The following PCDHGA1 variants were observed in gnomAD, a reference collection of about 807,000 sequenced individuals.
PCDHGA1 encodes protocadherin gamma-A1.
A neutral mutation model predicts 58.0 loss-of-function variants in PCDHGA1; 32 were observed. The ratio of observed to expected loss-of-function variants is 0.55; its 90% CI spans 0.42 to 0.74. The LOEUF is 0.74. Ranked by LOEUF, PCDHGA1 falls within the 30% of genes least tolerant of loss-of-function variation. The probability of loss-of-function intolerance (pLI) is 0.00; values close to 1 mark genes in which losing one functional copy is unlikely to be tolerated. For missense variants in PCDHGA1, 1,205 were observed against 1,182.3 expected (o/e 1.02, Z -0.28); for synonymous variants, 498 against 501.1 (o/e 0.99, Z 0.08).
rs755499740 is a variant in PCDHGA1 at position 141,389,751 on chromosome 5, G to C, written c.2421+56646G>C. 1.9e-6 allele frequency: 3 copies of C among 1,612,800 alleles called. No individual in the cohort carries two copies. The highest frequency in any genetic ancestry group is 1.1e-5 in the South Asian group (1 of 91,032). ...CTTCAGCCTGGGGCTGCGCACGGGC[G>C]AAGTGCGCACAGCGCGTGCCTTAGG... On this transcript the variant is annotated intron_variant, in intron 1 of 3. Coordinates refer to ENST00000517417, the MANE Select transcript of PCDHGA1 (RefSeq NM_018912.3).
In PCDHGA1 at chr5:141,365,535, A is replaced by G. The variant is rs1042184144; in HGVS notation, c.2421+32430A>G. 3.1e-6 allele frequency: 5 copies of G among 1,613,822 alleles called. No individual in the cohort carries two copies. Among genetic ancestry groups the G allele is most frequent in the Non-Finnish European group, 4.2e-6 (5 of 1,179,884 alleles). On this transcript the variant is annotated intron_variant, in intron 1 of 3. Transcript: ENST00000517417. ...TTGGAGAAGTCAGTTGATAATTACTATCACCTATTAACAACTAGGGACCTG... is the reference window on the plus strand; with the variant it reads ...TTGGAGAAGTCAGTTGATAATTACTGTCACCTATTAACAACTAGGGACCTG...
rs559544645 is a variant in PCDHGA1, at chr5:141,405,144, G to C, written c.2421+72039G>C. ...CATCTGCTGCGGGCTACCAGTGATGGGTTGGCTGGTGTGCCCACCTCACAC... is the reference window on the plus strand; with the variant it reads ...CATCTGCTGCGGGCTACCAGTGATGCGTTGGCTGGTGTGCCCACCTCACAC... On this transcript the variant is annotated intron_variant, in intron 1 of 3. Coordinates refer to ENST00000517417, the MANE Select transcript of PCDHGA1 (RefSeq NM_018912.3). 1.1e-4 allele frequency: 184 copies of C among 1,614,070 alleles called. 1 individual carries two copies. The South Asian group carries it at 1.9e-3, about 17-fold the overall frequency.
intron 1 of PCDHGA1, among the ~76,000 whole-genome samples, chr5:141,460,418 G>C (rs905215023): frequency 3.3e-5 from 5 of 152,096 alleles, no homozygotes; most frequent in Admixed American, 6.5e-5. Flanking sequence ...TGATGTTTAT[G>C]TATGGTGTAT....
chr5:141,365,620 G>T, intron 1 of PCDHGA1: 1 of 1,613,368 alleles, frequency 6.2e-7, no homozygotes, highest in Middle Eastern at 1.6e-4. Context: ...ATGGAACCCC[G>T]CCCCTCTCTA....
chr5:141,349,128 T>C (rs1396507844), intron 1 of PCDHGA1, among the ~76,000 whole-genome samples: 2 of 152,184 alleles, frequency 1.3e-5, no homozygotes, highest in Non-Finnish European at 2.9e-5. Flanking sequence ...TGGACTTCAG[T>C]GGCATGATCT....
chr5:141,455,477 C>A (rs557286491), intron 1 of PCDHGA1, among the ~76,000 whole-genome samples: 15 of 152,252 alleles, frequency 9.9e-5, no homozygotes, highest in African/African-American at 2.9e-4. Flanking sequence ...TATGCAGAGG[C>A]TGGTGGAGGT....
At chr5:141,415,793 T>C in intron 1 of PCDHGA1, 1 of 1,373,160 alleles carries the variant, frequency 7.3e-7, no homozygotes, top group Non-Finnish European at 9.4e-7. Context: ...AAAATTCACC[T>C]AGTCTCAATC....
chr5:141,449,263 AC>A (rs1308401244), intron 1 of PCDHGA1, among the ~76,000 whole-genome samples: 3 of 152,152 alleles, frequency 2.0e-5, no homozygotes, highest in African/African-American at 7.2e-5. Flanking sequence ...TGTACAAAGA[AC>A]TGTATCTCCT....
At chr5:141,400,097 A>C (rs753507768) in intron 1 of PCDHGA1, 1 of 1,614,048 alleles carries the variant, frequency 6.2e-7, no homozygotes, top group South Asian at 1.1e-5. Context: ...GCCACGCTGC[A>C]CTTGGTCTTT....
intron 1 of PCDHGA1, chr5:141,365,500 G>A (rs751033345): frequency 6.2e-7 from 1 of 1,613,898 alleles, no homozygotes; most frequent in Non-Finnish European, 8.5e-7. Context: ...CTAGGAATTT[G>A]CCTTTTAAAT....
Position 141,486,277 on chromosome 5 carries a change from G to A in PCDHGA1, c.2422-8530G>A, listed in dbSNP as rs1156704202. 6.2e-7 allele frequency: 1 copy of A among 1,614,020 alleles called. No individual in the cohort carries two copies. The highest frequency in any genetic ancestry group is 1.1e-5 in the South Asian group (1 of 91,056). ...CCGAGAGTGCAGAACCTGGCACTGT[G>A]GTGGCACTTATCAGTGTGCAGGATC... On this transcript the variant is annotated intron_variant, in intron 1 of 3. Transcript: ENST00000517417. The surrounding 1 kb of genome is among the most constrained non-coding windows in gnomAD (Gnocchi z 5.0).
At chr5:141,385,013 T>C (rs1588986326) in intron 1 of PCDHGA1, 1 of 1,614,162 alleles carries the variant, frequency 6.2e-7, no homozygotes, top group Non-Finnish European at 8.5e-7. Context: ...TGCGTCTTCC[T>C]AGCCTTCGTC....
Position 141,366,331 on chromosome 5 carries a change from G to C in PCDHGA1, c.2421+33226G>C, listed in dbSNP as rs1425078679. 11 of 1,613,846 alleles carry C rather than the reference G, an allele frequency of 6.8e-6. No homozygotes were observed. In the East Asian group the frequency reaches 1.6e-4, roughly 23 times the overall value. On this transcript the variant is annotated intron_variant, in intron 1 of 3. Coordinates refer to ENST00000517417, the MANE Select transcript of PCDHGA1 (RefSeq NM_018912.3). The stretch of plus-strand genomic sequence containing the variant: ...CGGTCACCGTTGCCGTGGCCGACAG[G>C]ATCCCTGACATCCTGGCTGACCTAG...
intron 1 of PCDHGA1, chr5:141,370,622 C>T: frequency 1.9e-6 from 3 of 1,613,902 alleles, no homozygotes; most frequent in Non-Finnish European, 2.5e-6. Context: ...AATTCTTTAC[C>T]GTGAGCCCCG....
intron 1 of PCDHGA1, chr5:141,428,374 C>G: frequency 1.9e-6 from 1 of 530,640 alleles, no homozygotes; most frequent in South Asian, 1.9e-5. Context: ...CTTGCACCTG[C>G]GATGCTCTTC....
chr5:141,503,307 G>T (rs1042228003), intron 2 of PCDHGA1, among the ~76,000 whole-genome samples: 5 of 152,096 alleles, frequency 3.3e-5, no homozygotes, highest in African/African-American at 1.2e-4. Context: ...GCTCAAGAAA[G>T]AATTGTTGGA....
At chr5:141,350,074 A>G (rs1177686169) in intron 1 of PCDHGA1, 3 of 430,176 alleles carry the variant, frequency 7.0e-6, no homozygotes, top group South Asian at 1.0e-4. Flanking sequence ...AGGCTTCTCA[A>G]TTCTGCAGGA....
intron 1 of PCDHGA1, chr5:141,423,194 C>T (rs1467994226): frequency 3.7e-6 from 6 of 1,613,588 alleles, no homozygotes; most frequent in South Asian, 1.1e-5. Context: ...CCCCCTCTCT[C>T]GGCCACCGTC....
At chr5:141,371,549 A>G in intron 1 of PCDHGA1, 1 of 1,613,886 alleles carries the variant, frequency 6.2e-7, no homozygotes, top group Non-Finnish European at 8.5e-7. Flanking sequence ...TCCTATGCCA[A>G]CTAAAAGGAA....
Sources: gnomAD v4.1 joint callset for allele counts (sites outside exome capture counted in the v4.1 genomes callset) on GRCh38, gnomAD v4.1.1 for gene constraint, Gnocchi (gnomAD v3.1) non-coding constraint, MANE v1.5 for transcripts, NCBI Gene and HGNC (gene_info 2026-07-23, HGNC 2026-07-21) for gene names.